The following FAM83F variants were observed in gnomAD, a reference collection of about 807,000 sequenced individuals.
FAM83F encodes the protein scaffolding CK1 anchoring protein F, also known as protein FAM83F.
FAM83F carries 45 observed loss-of-function variants against 42.9 expected under a neutral mutation model. The observed-to-expected ratio is 1.05, with a 90% CI of 0.83 to 1.35. The LOEUF (loss-of-function observed/expected upper bound fraction) is 1.35, where lower values mean the gene tolerates loss of function less well. Among genes scored for constraint, FAM83F ranks in the 40% most tolerant of loss-of-function variants. The probability of loss-of-function intolerance (pLI) is 0.00; values close to 1 mark genes in which losing one functional copy is unlikely to be tolerated. For missense variants in FAM83F, 617 were observed against 695.9 expected, an observed-to-expected ratio of 0.89 and a Z score of 1.28; for synonymous variants, 306 against 298.3, an observed-to-expected ratio of 1.03 and a Z score of -0.27.
In FAM83F at chr22:39,995,272, C is replaced by A. The variant is rs2067367849; in HGVS notation, c.230C>A (p.Ala77Asp). 1 of 1,535,500 alleles carries A rather than the reference C, an allele frequency of 6.5e-7. No individual in the cohort carries two copies. Among genetic ancestry groups the A allele is most frequent in the Non-Finnish European group, 8.7e-7 (1 of 1,145,854 alleles). The change falls in exon 1 of 5, where the codon GCC becomes GAC. Residue 77 changes from alanine to aspartate, a missense_variant. Physicochemically the swap from Ala to Asp is moderately radical, Grantham distance 126 (BLOSUM62 -2). Coordinates refer to ENST00000333407, the MANE Select transcript of FAM83F (RefSeq NM_138435.4). The surrounding 1 kb of genome is among the most constrained non-coding windows in gnomAD (Gnocchi z 4.6). ...LRAAWSPYED[A>D]VPAANARGKS... ...GCCGCCTGGAGCCCCTACGAGGACG[C>A]CGTCCCCGCCGCCAACGCCCGGGGC... is the stretch of plus-strand genomic sequence containing the variant.
chr22:39,997,491 G>A (rs2067377825), intron 1 of FAM83F, among the ~76,000 whole-genome samples: 1 of 152,180 alleles, frequency 6.6e-6, no homozygotes, highest in Non-Finnish European at 1.5e-5. Context: ...GCACTACCTA[G>A]CCATGAAGAA....
At chr22:39,997,310 C>T (rs983881283) in intron 1 of FAM83F, among the ~76,000 whole-genome samples, 1 of 152,234 alleles carries the variant, frequency 6.6e-6, no homozygotes, top group East Asian at 1.9e-4. Context: ...GGAGACTGGG[C>T]TTCTGGCCAC....
At chr22:40,003,285 C>T (rs953809010) in intron 1 of FAM83F, among the ~76,000 whole-genome samples, 3 of 152,206 alleles carry the variant, frequency 2.0e-5, no homozygotes, top group Non-Finnish European at 1.5e-5. Context: ...TTTCTGGCCC[C>T]CTGGGACTTA....
Position 40,021,196 on chromosome 22 carries a change from G to A in FAM83F, c.780-94G>A. ...AAGGAGCCGTACACCTGCAGCAAGG[G>A]TCTGGCCACAGCGGAGGGGCAGGTG... is the stretch of plus-strand genomic sequence containing the variant. On this transcript the variant is annotated intron_variant, in intron 3 of 4. Coordinates refer to ENST00000333407, the MANE Select transcript of FAM83F (RefSeq NM_138435.4). This position sits in a 1 kb window ranked among gnomAD's most constrained non-coding sequence, Gnocchi z 8.7. 7.2e-7 allele frequency: 1 copy of A among 1,398,316 alleles called. No individual in the cohort carries two copies. The highest frequency in any genetic ancestry group is 9.5e-7 in the Non-Finnish European group (1 of 1,050,862). The allele number at this position is 1,398,316 out of a possible 1,614,324, so 86.6% of individuals were successfully genotyped here.
chr22:40,009,146 G>A (rs2067450496), intron 1 of FAM83F, among the ~76,000 whole-genome samples: 1 of 152,160 alleles, frequency 6.6e-6, no homozygotes, highest in Non-Finnish European at 1.5e-5. Context: ...TGGGAGGCAG[G>A]CAGGGCAGGT....
At chr22:40,013,517 G>A (rs1214163585) in intron 1 of FAM83F, among the ~76,000 whole-genome samples, 1 of 152,128 alleles carries the variant, frequency 6.6e-6, no homozygotes, top group Non-Finnish European at 1.5e-5. Flanking sequence ...TTCCTACTTA[G>A]GTAGTACAAG....
At chr22:40,016,127 C>G (rs906671175) in intron 1 of FAM83F, among the ~76,000 whole-genome samples, 1 of 152,136 alleles carries the variant, frequency 6.6e-6, no homozygotes, top group Non-Finnish European at 1.5e-5. Flanking sequence ...ACAACCAAAG[C>G]CATTGGTCAG....
rs1462282221 is a variant in FAM83F at position 40,031,786 on chromosome 22, A to G, written c.*2221A>G. The G allele has an allele frequency of 1.3e-5, 2 of 152,178 alleles. No individual in the cohort carries two copies. Among genetic ancestry groups the G allele is most frequent in the Non-Finnish European group, 2.9e-5 (2 of 68,050 alleles). 9.4% of individuals were successfully genotyped at this position (152,178 alleles called of 1,614,324 possible). On this transcript the variant is annotated 3_prime_UTR_variant, in exon 5 of 5. Coordinates refer to ENST00000333407, the MANE Select transcript of FAM83F (RefSeq NM_138435.4). ...TCGTCCTTATAGCAGTGTGGACAAG[A>G]TGGTGTCGGCACCCCCCGCTCCAAA...
At chr22:40,012,042 C>G (rs1160180101) in intron 1 of FAM83F, among the ~76,000 whole-genome samples, 1 of 152,186 alleles carries the variant, frequency 6.6e-6, no homozygotes, top group Non-Finnish European at 1.5e-5. Context: ...ATCCAACTTT[C>G]TGATTTTTTG....
At position 39,995,441 on chromosome 22, in the gene FAM83F, C is replaced by G. The variant is rs376460601; in HGVS notation, c.399C>G (p.Ser133Arg). 1.3e-6 allele frequency: 2 copies of G among 1,558,920 alleles called. No individual in the cohort carries two copies. The highest frequency in any genetic ancestry group is 1.2e-5 in the South Asian group (1 of 84,760). The change falls in exon 1 of 5, where the codon AGC becomes AGG. Residue 133 changes from serine to arginine, a missense_variant. Ser to Arg is a moderately radical substitution (Grantham distance 110). Coordinates refer to ENST00000333407, the MANE Select transcript of FAM83F (RefSeq NM_138435.4). This position sits in a 1 kb window ranked among gnomAD's most constrained non-coding sequence, Gnocchi z 4.6. ...WTDTGFYRGV[S>R]RVTLFTHPPK... ...ACACTGGTTTCTACCGCGGCGTGAG[C>G]CGGGTCACGCTCTTCACCCACCCGC...
At chr22:40,008,954 G>C (rs1430744605) in intron 1 of FAM83F, among the ~76,000 whole-genome samples, 1 of 152,166 alleles carries the variant, frequency 6.6e-6, no homozygotes, top group Admixed American at 6.5e-5. Flanking sequence ...CCACACAGAC[G>C]GCCATTCTGG....
At position 39,995,329 on chromosome 22, in the gene FAM83F, C is replaced by T. The variant is rs1346155398; in HGVS notation, c.287C>T (p.Pro96Leu). 1 of 1,539,612 alleles carries T rather than the reference C, an allele frequency of 6.5e-7. No homozygotes were observed. Among genetic ancestry groups the T allele is most frequent in the African/African-American group, 1.4e-5 (1 of 73,096 alleles). ...KSKAKAKAPA[P>L]APAESGESLA... ...AAGGCCAAGGCCAAGGCCCCCGCGC[C>T]GGCGCCGGCTGAGTCCGGCGAGTCC... Residue 96 changes from proline to leucine, a missense_variant, in exon 1 of 5, where the codon CCG becomes CTG. Physicochemically the swap from Pro to Leu is moderately conservative, Grantham distance 98. Transcript: ENST00000333407. This position sits in a 1 kb window ranked among gnomAD's most constrained non-coding sequence, Gnocchi z 4.6.
rs2067651178 is a variant in FAM83F, at chr22:40,041,748, T to C, written c.*12183T>C. On this transcript the variant is annotated 3_prime_UTR_variant, in exon 5 of 5. Coordinates refer to ENST00000333407, the MANE Select transcript of FAM83F (RefSeq NM_138435.4). Reference sequence around the variant, plus strand: ...CTGTTCATAAAAGAGTCTGGGAAGATAGTCTCCTTAACAGTGTCTGGATGT... The same window carrying C: ...CTGTTCATAAAAGAGTCTGGGAAGACAGTCTCCTTAACAGTGTCTGGATGT... The C allele has an allele frequency of 6.6e-6, 1 of 152,208 alleles. No homozygotes were observed. The highest frequency in any genetic ancestry group is 2.4e-5 in the African/African-American group (1 of 41,454). 9.4% of individuals were successfully genotyped at this position (152,208 alleles called of 1,614,324 possible). A position where few individuals can be genotyped will look rare whatever the true frequency, so the allele number is the denominator to read the frequency against.
In FAM83F at chr22:39,995,402, C is replaced by G. The variant is rs1259889880; in HGVS notation, c.360C>G (p.Asp120Glu). 6.5e-7 allele frequency: 1 copy of G among 1,549,232 alleles called. No homozygotes were observed. The highest frequency in any genetic ancestry group is 2.4e-5 in the East Asian group (1 of 40,910). The change falls in exon 1 of 5, where the codon GAC (aspartate) becomes GAG (glutamate). Residue 120 changes from aspartate (D) to glutamate (E), a missense_variant. By Grantham distance (45) the Asp-to-Glu change is conservative (BLOSUM62 2). Transcript: ENST00000333407. The surrounding 1 kb of genome is among the most constrained non-coding windows in gnomAD (Gnocchi z 4.6). ...CCGACACCGAGGTGCCTCCTCTGGA[C>G]CTGGGCTGGACGGACACTGGTTTCT... ...DRSDTEVPPL[D>E]LGWTDTGFYR...
At chr22:40,010,664 C>T (rs1056072465) in intron 1 of FAM83F, among the ~76,000 whole-genome samples, 4 of 152,188 alleles carry the variant, frequency 2.6e-5, no homozygotes, top group Non-Finnish European at 4.4e-5. Context: ...TTCTGCAAAC[C>T]GGTCAAGCTG....
rs529508588 is a variant in FAM83F at position 40,029,797 on chromosome 22, G to A, written c.*232G>A. On this transcript the variant is annotated 3_prime_UTR_variant, in exon 5 of 5. Coordinates refer to ENST00000333407, the MANE Select transcript of FAM83F (RefSeq NM_138435.4). ...GTGGCTGGGCAGGGGTCAGTGCCAC[G>A]GCCTCCTTGTTTACATGAAGTGGAA... 3.7e-5 allele frequency: 20 copies of A among 545,544 alleles called. No homozygotes were observed. Among genetic ancestry groups the A allele is most frequent in the Non-Finnish European group, 5.4e-5 (17 of 311,952 alleles). The allele number at this position is 545,544 out of a possible 1,614,324, so 33.8% of individuals were successfully genotyped here. A position where few individuals can be genotyped will look rare whatever the true frequency, so the allele number is the denominator to read the frequency against.
intron 1 of FAM83F, among the ~76,000 whole-genome samples, chr22:40,009,534 G>A (rs1426094615): frequency 6.6e-6 from 1 of 152,228 alleles, no homozygotes; most frequent in Non-Finnish European, 1.5e-5. Flanking sequence ...AGGAGAGTCC[G>A]AGCTGGGGCG....
At position 40,030,051 on chromosome 22, in the gene FAM83F, C is replaced by A; in HGVS notation, c.*486C>A. 6.3e-6 allele frequency: 1 copy of A among 157,558 alleles called. No individual in the cohort carries two copies. The highest frequency in any genetic ancestry group is 6.0e-5 in the Admixed American group (1 of 16,778). 9.8% of individuals were successfully genotyped at this position (157,558 alleles called of 1,614,324 possible). On this transcript the variant is annotated 3_prime_UTR_variant, in exon 5 of 5. Transcript: ENST00000333407. Reference sequence around the variant, plus strand: ...GGCCCTGAGCCTGGGATCCCAAGTTCCAGTCTTTCTCTAGCCTCTGAACTC... The same window carrying A: ...GGCCCTGAGCCTGGGATCCCAAGTTACAGTCTTTCTCTAGCCTCTGAACTC...
Position 40,021,887 on chromosome 22 carries a change from T to G in FAM83F, c.1377T>G (p.Ser459=), listed in dbSNP as rs1192594433. ...CGGCGCCCAATGGCATGGCCAGCTC[T>G]GTCTCCACCGAGACCTCTGAAGTGG... The part of the protein sequence containing the change: ...RPAAPNGMAS[S]VSTETSEVEF... The change falls in exon 4 of 5, where the codon TCT becomes TCG. Residue 459 remains serine, a synonymous_variant. Transcript: ENST00000333407. This position sits in a 1 kb window ranked among gnomAD's most constrained non-coding sequence, Gnocchi z 8.7. The G allele has an allele frequency of 6.3e-7, 1 of 1,599,716 alleles. No individual in the cohort carries two copies. Among genetic ancestry groups the G allele is most frequent in the Non-Finnish European group, 8.5e-7 (1 of 1,172,564 alleles).
Sources: gnomAD v4.1 joint callset for allele counts (sites outside exome capture counted in the v4.1 genomes callset) on GRCh38, gnomAD v4.1.1 for gene constraint, Gnocchi (gnomAD v3.1) non-coding constraint, MANE v1.5 for transcripts, NCBI Gene and HGNC (gene_info 2026-07-23, HGNC 2026-07-21) for gene names.